The following ANKAR variants were observed in gnomAD, a reference collection of about 807,000 sequenced individuals.
ANKAR encodes ankyrin and armadillo repeat containing.
In ANKAR, 136 loss-of-function variants were observed where a neutral mutation model predicts 146.2. The ratio of observed to expected loss-of-function variants is 0.93; its 90% CI spans 0.81 to 1.07. The LOEUF (loss-of-function observed/expected upper bound fraction) is 1.07, where lower values mean the gene tolerates loss of function less well. Among genes scored for constraint, ANKAR ranks in the 50% least tolerant of loss-of-function variants. The pLI, the probability that ANKAR is intolerant of heterozygous loss-of-function variation, is 0.00. For synonymous variants in ANKAR, 500 were observed against 575.8 expected (o/e 0.87, Z 1.88); for missense variants, 1,567 against 1,679.9 (o/e 0.93, Z 1.18).
downstream of ANKAR, chr2:189,761,404 G>A: frequency 6.3e-7 from 1 of 1,582,868 alleles, no homozygotes; most frequent in Non-Finnish European, 8.5e-7. Context: ...AAATGACTAA[G>A]ATAATGTCTA....
intron 17 of ANKAR, among the ~76,000 whole-genome samples, chr2:189,735,367 C>T (rs2042755386): frequency 6.6e-6 from 1 of 152,196 alleles, no homozygotes; most frequent in African/African-American, 2.4e-5. Context: ...TTAATTCTAA[C>T]ACTCATCACA....
Position 189,745,030 on chromosome 2 carries a change from A to AC in ANKAR, c.4057+242_4057+243insC, listed in dbSNP as rs1380926394. Reference sequence around the variant, plus strand: ...ACTACTACTACTACTACTACTACTAATAATACAAAAATTAGCCAGGCATGG... The same window carrying AC: ...ACTACTACTACTACTACTACTACTAACTAATACAAAAATTAGCCAGGCATGG... On this transcript the variant is annotated intron_variant, in intron 22 of 22. Transcript: ENST00000684021. 5.2e-3 allele frequency among the ~76,000 whole-genome samples: 340 copies of AC among 65,158 alleles called. 5 individuals carry two copies. The highest frequency in any genetic ancestry group is 0.012 in the African/African-American group (287 of 24,640). The allele number at this position is 65,158 out of a possible 152,430, so 42.7% of individuals were successfully genotyped here.
chr2:189,709,381 A>G (rs1381781296), intron 9 of ANKAR, among the ~76,000 whole-genome samples: 1 of 152,232 alleles, frequency 6.6e-6, no homozygotes, highest in African/African-American at 2.4e-5. Flanking sequence ...TTTATAAATC[A>G]TAGAAGGTTA....
chr2:189,687,025 G>A (rs982487612), intron 2 of ANKAR, among the ~76,000 whole-genome samples: 2 of 151,866 alleles, frequency 1.3e-5, no homozygotes, highest in African/African-American at 2.4e-5. Context: ...ATTATTGACT[G>A]TAGTCACCTT....
At chr2:189,746,667 T>G, downstream of ANKAR, 1 of 1,534,534 alleles carries the variant, frequency 6.5e-7, no homozygotes, top group Non-Finnish European at 8.7e-7. Flanking sequence ...AGCCATCTTT[T>G]AAAAATTTTT....
intron 18 of ANKAR, among the ~76,000 whole-genome samples, chr2:189,760,298 G>A (rs1169436626): frequency 3.3e-5 from 5 of 152,112 alleles, no homozygotes; most frequent in Admixed American, 1.3e-4. Flanking sequence ...GGTGGCAGCC[G>A]GGCAGAGGGG....
intron 10 of ANKAR, among the ~76,000 whole-genome samples, chr2:189,712,313 C>T (rs1488584862): frequency 1.3e-5 from 2 of 152,224 alleles, no homozygotes; most frequent in Non-Finnish European, 2.9e-5. Flanking sequence ...CCCTCACCCC[C>T]TTGTAGCCTA....
chr2:189,727,960 G>A lies in ANKAR; in HGVS notation c.2740G>A (p.Ala914Thr). 1 of 1,614,038 alleles carries A rather than the reference G, an allele frequency of 6.2e-7. No homozygotes were observed. The highest frequency in any genetic ancestry group is 1.1e-5 in the South Asian group (1 of 91,076). ...AMEGAIPPLV[A>T]LFKGKQISVQ... is the part of the protein sequence containing the mutation. Reference sequence around the variant, plus strand: ...GGAGGGAGCGATTCCTCCTCTGGTGGCTCTTTTTAAAGGGAAACAAATTAG... The same window carrying A: ...GGAGGGAGCGATTCCTCCTCTGGTGACTCTTTTTAAAGGGAAACAAATTAG... Residue 914 changes from alanine (A) to threonine (T), a missense_variant, in exon 13 of 23, where the codon GCT (alanine) becomes ACT (threonine). Transcript: ENST00000684021.
chr2:189,707,283 A>ATAAAAT, intron 9 of ANKAR, 137 bp downstream of exon 9: 1 of 436,364 alleles, frequency 2.3e-6, no homozygotes, highest in Non-Finnish European at 3.8e-6. Flanking sequence ...CATTTTATTA[A>ATAAAAT]GACCAGAAAT....
At chr2:189,678,596 G>A (rs1464088032) in intron 2 of ANKAR, among the ~76,000 whole-genome samples, 3 of 152,132 alleles carry the variant, frequency 2.0e-5, no homozygotes, top group Non-Finnish European at 2.9e-5. Flanking sequence ...GATCCATCTC[G>A]AGTTGATTTT....
At chr2:189,693,813 A>C (rs2036794079) in intron 5 of ANKAR, among the ~76,000 whole-genome samples, 1 of 151,966 alleles carries the variant, frequency 6.6e-6, no homozygotes, top group African/African-American at 2.4e-5. Flanking sequence ...CAGTGGTGCA[A>C]TCTTGGCTCA....
intron 3 of ANKAR, among the ~76,000 whole-genome samples, chr2:189,690,320 A>AT (rs746807431): frequency 2.6e-5 from 4 of 152,172 alleles, no homozygotes; most frequent in Non-Finnish European, 4.4e-5. Context: ...TCCTGATGAT[A>AT]TTTTTCATTG....
chr2:189,716,081 C>T (rs981258857), intron 10 of ANKAR, among the ~76,000 whole-genome samples: 2 of 152,154 alleles, frequency 1.3e-5, no homozygotes, highest in African/African-American at 4.8e-5. Flanking sequence ...GTTGGAAGTT[C>T]TGGCCAGGGC....
rs551785822 is a variant in ANKAR at position 189,729,254 on chromosome 2, C to T, written c.3193+433C>T. On this transcript the variant is annotated intron_variant, in intron 15 of 22. Coordinates refer to ENST00000684021, the MANE Select transcript of ANKAR (RefSeq NM_001378068.1). ...ATAGAATTCATTGCAAAGGAATTGACATTTTGGGGTACCTGAGAAAATGTG... is the reference window on the plus strand; with the variant it reads ...ATAGAATTCATTGCAAAGGAATTGATATTTTGGGGTACCTGAGAAAATGTG... 4.6e-5 allele frequency among the ~76,000 whole-genome samples: 7 copies of T among 152,270 alleles called. No homozygotes were observed. In the South Asian group the frequency reaches 1.5e-3, roughly 32 times the overall value.
intron 18 of ANKAR, among the ~76,000 whole-genome samples, chr2:189,760,430 A>G (rs1379586431): frequency 6.6e-6 from 1 of 152,096 alleles, no homozygotes; most frequent in Admixed American, 6.5e-5. Flanking sequence ...GGCGCCCCCC[A>G]CCTCCCAAGA....
chr2:189,752,488 A>C (rs2105981721), intron 18 of ANKAR, among the ~76,000 whole-genome samples: 1 of 152,346 alleles, frequency 6.6e-6, no homozygotes, highest in African/African-American at 2.4e-5. Context: ...TAGCAAAAAT[A>C]TTTCTCATAT....
rs2036675242 is a variant in ANKAR at position 189,693,152 on chromosome 2, C to G, written c.1282C>G (p.Pro428Ala). 1 of 1,555,084 alleles carries G rather than the reference C, an allele frequency of 6.4e-7. No individual in the cohort carries two copies. Among genetic ancestry groups the G allele is most frequent in the Admixed American group, 2.0e-5 (1 of 50,166 alleles). ...DSGYKEYYSI[P>A]VMEFHGKSYY... ...AGGATATAAAGAATATTACTCAATA[C>G]CAGTCATGGAATTTCATGGAAAAAG... The change falls in exon 5 of 23, where the codon CCA becomes GCA. Residue 428 changes from proline to alanine, a missense_variant. Pro to Ala is a conservative substitution (Grantham distance 27). Coordinates refer to ENST00000684021, the MANE Select transcript of ANKAR (RefSeq NM_001378068.1).
At chr2:189,714,947 CAA>C (rs71401215) in intron 10 of ANKAR, among the ~76,000 whole-genome samples, 5 of 88,678 alleles carry the variant, frequency 5.6e-5, no homozygotes, top group South Asian at 3.8e-4. Flanking sequence ...CTCCATCTCA[CAA>C]AAAAAAAAAA....
intron 14 of ANKAR, 68 bp from the exon 15 acceptor site, chr2:189,728,592 C>T (rs937551441): frequency 2.5e-5 from 38 of 1,549,892 alleles, no homozygotes; most frequent in Non-Finnish European, 2.8e-5. Context: ...TGTCAGCCAC[C>T]GTGTCCTCTG....
Sources: allele counts gnomAD v4.1 joint callset (sites outside exome capture counted in the v4.1 genomes callset), GRCh38; gene constraint gnomAD v4.1.1; transcripts MANE v1.5; gene names NCBI Gene and HGNC (gene_info 2026-07-23, HGNC 2026-07-21).